Variants in STK10 observed in about 807,000 individuals in gnomAD.
STK10 encodes the protein serine/threonine kinase 10.
In STK10, 78 loss-of-function variants were observed where a neutral mutation model predicts 113.8. The observed-to-expected ratio is 0.69, with a 90% confidence interval of 0.57 to 0.83. The LOEUF is 0.83. STK10 is among the 40% of genes least tolerant of loss of function. STK10 has a pLI of 0.00. For synonymous variants in STK10, 465 were observed against 494.7 expected, an observed-to-expected ratio of 0.94 and a Z score of 0.80; for missense variants, 1,109 against 1,280.1, an observed-to-expected ratio of 0.87 and a Z score of 2.04.
intron 3 of STK10, among the ~76,000 whole-genome samples, chr5:172,125,848 T>C (rs527743198): frequency 9.3e-4 from 141 of 152,324 alleles, no homozygotes; most frequent in African/African-American, 3.1e-3. Flanking sequence ...TAAGTAAATA[T>C]CAAGAATTTT....
intron 16 of STK10, 131 bp downstream of exon 16, chr5:172,055,457 T>C (rs1431020125): frequency 4.0e-6 from 4 of 994,528 alleles, no homozygotes; most frequent in Non-Finnish European, 5.3e-6. Context: ...CTCAAAGTGT[T>C]GGGATTACAG....
At position 172,106,691 on chromosome 5, in the gene STK10, C is replaced by T; in HGVS notation, c.717G>A (p.Glu239=). 6.2e-7 allele frequency: 1 copy of T among 1,614,088 alleles called. No homozygotes were observed. The highest frequency in any genetic ancestry group is 8.5e-7 in the Non-Finnish European group (1 of 1,180,030). ...EMAQIEPPHH[E]LNPMRVLLKI... ...TTAGCAGGACCCGCATGGGGTTGAG[C>T]TCGTGGTGTGGCGGCTCGATCTGGG... The change falls in exon 6 of 19, where the codon GAG becomes GAA. Residue 239 remains glutamate (E), a synonymous_variant. Coordinates refer to ENST00000176763, the MANE Select transcript of STK10 (RefSeq NM_005990.4).
In STK10 at chr5:172,087,819, G is replaced by A. The variant is rs1263547867; in HGVS notation, c.1685+2413C>T. On this transcript the variant is annotated intron_variant, in intron 10 of 18. Coordinates refer to ENST00000176763, the MANE Select transcript of STK10 (RefSeq NM_005990.4). ...AATTTTTTGTATTTTTAGTAGAGACGGGGTTTCACCTTGTTAGCCAGGATG... is the reference window on the plus strand; with the variant it reads ...AATTTTTTGTATTTTTAGTAGAGACAGGGTTTCACCTTGTTAGCCAGGATG... 7.0e-4 allele frequency among the ~76,000 whole-genome samples: 79 copies of A among 113,088 alleles called. 13 individuals carry two copies. Among genetic ancestry groups the A allele is most frequent in the African/African-American group, 3.0e-3 (75 of 24,904 alleles). The allele number at this position is 113,088 out of a possible 152,430, so 74.2% of individuals were successfully genotyped here.
intron 2 of STK10, among the ~76,000 whole-genome samples, chr5:172,155,375 G>A (rs960319565): frequency 7.2e-5 from 11 of 151,886 alleles, no homozygotes; most frequent in African/African-American, 1.7e-4. Context: ...GCATGCACCT[G>A]TAATCCCAGC....
At chr5:172,047,153 T>C (rs1486617598) in intron 18 of STK10, among the ~76,000 whole-genome samples, 1 of 152,210 alleles carries the variant, frequency 6.6e-6, no homozygotes, top group Admixed American at 6.5e-5. Flanking sequence ...TATTCTCGAA[T>C]GAAAATCATC....
intron 13 of STK10, 85 bp downstream of exon 13, chr5:172,064,635 T>A (rs1768025239): frequency 7.0e-7 from 1 of 1,425,508 alleles, no homozygotes; most frequent in Non-Finnish European, 9.9e-7. Context: ...GGGGCAGGGA[T>A]TGGGCAAAGG....
Position 172,082,953 on chromosome 5 carries a change from G to A in STK10, c.1809+8C>T, listed in dbSNP as rs751913128. 19 of 1,611,924 alleles carry A rather than the reference G, an allele frequency of 1.2e-5. No homozygotes were observed. Among genetic ancestry groups the A allele is most frequent in the South Asian group, 6.6e-5 (6 of 90,884 alleles). On this transcript the variant is annotated splice_region_variant and intron_variant, in intron 11 of 18. Coordinates refer to ENST00000176763, the MANE Select transcript of STK10 (RefSeq NM_005990.4). The surrounding 1 kb of genome is among the most constrained non-coding windows in gnomAD (Gnocchi z 4.3). ...GCCCTGCAGGGTCCCATCTTTTCTCGCACTCACGTTGATTTCCTGTTCAAA... is the reference window on the plus strand; with the variant it reads ...GCCCTGCAGGGTCCCATCTTTTCTCACACTCACGTTGATTTCCTGTTCAAA...
chr5:172,167,916 G>A (rs1265582392), intron 1 of STK10, among the ~76,000 whole-genome samples: 1 of 152,172 alleles, frequency 6.6e-6, no homozygotes, highest in Non-Finnish European at 1.5e-5. Flanking sequence ...TCTGAAACAT[G>A]GGTTTCTTTT....
At chr5:172,110,280 T>C (rs1294806924) in intron 4 of STK10, among the ~76,000 whole-genome samples, 2 of 151,990 alleles carry the variant, frequency 1.3e-5, no homozygotes, top group Non-Finnish European at 2.9e-5. Flanking sequence ...GGGACGGTCA[T>C]GGAGGGAGGG....
chr5:172,166,835 A>G (rs1770580247), intron 1 of STK10, among the ~76,000 whole-genome samples: 1 of 152,170 alleles, frequency 6.6e-6, no homozygotes, highest in South Asian at 2.1e-4. Flanking sequence ...ATTATCCCTC[A>G]TTCCTGGGAA....
At position 172,068,884 on chromosome 5, in the gene STK10, C is replaced by CAAAAA. The variant is rs57550509; in HGVS notation, c.1990-4077_1990-4073dup. 7.0e-3 allele frequency among the ~76,000 whole-genome samples: 884 copies of CAAAAA among 126,422 alleles called. 10 individuals are homozygous for CAAAAA. Among genetic ancestry groups the CAAAAA allele is most frequent in the African/African-American group, 0.027 (846 of 30,812 alleles). The allele number at this position is 126,422 out of a possible 152,430, so 82.9% of individuals were successfully genotyped here. ...TGGGCGACAGAGCAAGACTCTGCCT[C>CAAAAA]AAAAAAAAAAAACAAAACCAAAAAC... On this transcript the variant is annotated intron_variant, in intron 12 of 18. Transcript: ENST00000176763.
intron 1 of STK10, among the ~76,000 whole-genome samples, chr5:172,163,296 C>T (rs891106761): frequency 6.6e-6 from 1 of 152,232 alleles, no homozygotes; most frequent in South Asian, 2.1e-4. Flanking sequence ...GGTCACACAG[C>T]GAGTGGGGGT....
At chr5:172,136,685 G>A (rs979861251) in intron 2 of STK10, among the ~76,000 whole-genome samples, 34 of 152,192 alleles carry the variant, frequency 2.2e-4, no homozygotes, top group Middle Eastern at 3.4e-3. Flanking sequence ...AAAATAAGAG[G>A]AGGAATGTGC....
intron 4 of STK10, among the ~76,000 whole-genome samples, chr5:172,113,551 G>C (rs779543864): frequency 2.6e-5 from 4 of 152,122 alleles, no homozygotes; most frequent in African/African-American, 7.2e-5. Context: ...GGAGGAATAC[G>C]CTGATATTCA....
chr5:172,186,918 G>A (rs1380740353), intron 1 of STK10, among the ~76,000 whole-genome samples: 2 of 152,096 alleles, frequency 1.3e-5, no homozygotes, highest in Non-Finnish European at 2.9e-5. Flanking sequence ...CAATCCTAGG[G>A]TCAGAGTGCC....
At chr5:172,145,918 C>G (rs967274443) in intron 2 of STK10, among the ~76,000 whole-genome samples, 1 of 152,244 alleles carries the variant, frequency 6.6e-6, no homozygotes, top group Non-Finnish European at 1.5e-5. Flanking sequence ...TCCATAGAGA[C>G]AGCCCTGCAC....
chr5:172,141,303 G>A (rs1016562974), intron 2 of STK10, among the ~76,000 whole-genome samples: 5 of 152,194 alleles, frequency 3.3e-5, no homozygotes, highest in East Asian at 3.9e-4. Context: ...AGGGCCAGGC[G>A]CGGTGGCTCA....
chr5:172,096,952 A>G (rs1195146703), intron 7 of STK10, among the ~76,000 whole-genome samples: 3 of 152,228 alleles, frequency 2.0e-5, no homozygotes, highest in Non-Finnish European at 2.9e-5. Flanking sequence ...TTCCTTTTTA[A>G]AAGGTTTTAA....
chr5:172,086,780 A>G (rs73801845), intron 10 of STK10, among the ~76,000 whole-genome samples: 3,545 of 152,280 alleles, frequency 0.023, 152 homozygotes, highest in African/African-American at 0.081. Flanking sequence ...ACGGCAGGCA[A>G]GCGAGAAAAT....
Sources: allele counts gnomAD v4.1 joint callset (sites outside exome capture counted in the v4.1 genomes callset), GRCh38; gene constraint gnomAD v4.1.1; non-coding constraint Gnocchi (gnomAD v3.1); transcripts MANE v1.5; gene names NCBI Gene and HGNC (gene_info 2026-07-23, HGNC 2026-07-21).